RYR2: variants seen among roughly 807,000 people sequenced by gnomAD.
RYR2 encodes ryanodine receptor 2.
In RYR2, 227 loss-of-function variants were observed where a neutral mutation model predicts 601.1. The ratio of observed to expected loss-of-function variants is 0.38; its 90% CI spans 0.34 to 0.42. The LOEUF is 0.42. Among genes scored for constraint, RYR2 ranks in the 10% least tolerant of loss-of-function variants. The pLI is 1.00. For synonymous variants in RYR2, 2,223 were observed against 2,175.1 expected (o/e 1.02, Z -0.61); for missense variants, 4,646 against 6,156.5 (o/e 0.75, Z 8.21).
chr1:237,542,593 C>G (rs1349698892), intron 25 of RYR2, among the ~76,000 whole-genome samples: 3 of 152,096 alleles, frequency 2.0e-5, no homozygotes, highest in African/African-American at 7.2e-5. Context: ...GTGTTCTGCA[C>G]TGATTTGATA....
intron 27 of RYR2, among the ~76,000 whole-genome samples, chr1:237,554,630 G>T (rs1476748215): frequency 6.6e-6 from 1 of 151,836 alleles, no homozygotes; most frequent in Non-Finnish European, 1.5e-5. Context: ...CTATAGGAAA[G>T]GTATTTTGTT....
intron 14 of RYR2, among the ~76,000 whole-genome samples, chr1:237,453,911 G>C (rs755083205): frequency 1.3e-5 from 2 of 152,112 alleles, no homozygotes; most frequent in Non-Finnish European, 2.9e-5. Flanking sequence ...TTCATAAGCA[G>C]ATTTTCTAAA....
rs150678382 is a variant in RYR2, at chr1:237,231,361, A to G, written c.49-39136A>G. The stretch of plus-strand genomic sequence containing the variant: ...TTCTGAATAGAGATAGAGTCTTGCC[A>G]TGTTGCCCAGACTGGTCTTGAATTC... On this transcript the variant is annotated intron_variant, in intron 1 of 104. Coordinates refer to ENST00000366574, the MANE Select transcript of RYR2 (RefSeq NM_001035.3). Among the ~76,000 whole-genome samples, 912 of 143,296 alleles carry G rather than the reference A, an allele frequency of 6.4e-3. 9 individuals are homozygous for G. Among genetic ancestry groups the G allele is most frequent in the African/African-American group, 0.023 (870 of 38,244 alleles). 94.0% of individuals were successfully genotyped at this position (143,296 alleles called of 152,430 possible). A position where few individuals can be genotyped will look rare whatever the true frequency, so the allele number is the denominator to read the frequency against.
At chr1:237,597,469 A>G (rs1456350874) in intron 34 of RYR2, among the ~76,000 whole-genome samples, 1 of 151,636 alleles carries the variant, frequency 6.6e-6, no homozygotes, top group Admixed American at 6.6e-5. Context: ...TTTAATAGAG[A>G]TGGGGTTTCA....
intron 68 of RYR2, 124 bp from the exon 69 acceptor site, chr1:237,708,734 T>C (rs1688582375): frequency 3.7e-6 from 3 of 815,038 alleles, no homozygotes; most frequent in Non-Finnish European, 5.8e-6. Context: ...GCATGAGCTG[T>C]ACCCTTAAGG....
intron 101 of RYR2, among the ~76,000 whole-genome samples, chr1:237,826,459 A>C (rs1312134245): frequency 6.6e-6 from 1 of 152,176 alleles, no homozygotes; most frequent in Non-Finnish European, 1.5e-5. Context: ...AGTGGGAGTT[A>C]AACAATGGTA....
intron 80 of RYR2, chr1:237,743,770 GGTC>G (rs1691821219): frequency 2.6e-6 from 1 of 379,082 alleles, no homozygotes; most frequent in African/African-American, 2.1e-5. Context: ...CAATGCATTT[GGTC>G]TCTTCAGGAT....
intron 96 of RYR2, among the ~76,000 whole-genome samples, chr1:237,795,854 A>ATATATG (rs1659094710): frequency 3.2e-5 from 4 of 125,120 alleles, no homozygotes; most frequent in Admixed American, 1.5e-4. Context: ...ATATATGTAT[A>ATATATG]TGTATATATA....
At chr1:237,759,682 AT>A in intron 82 of RYR2, 93 bp from the exon 83 acceptor site, 1 of 793,158 alleles carries the variant, frequency 1.3e-6, no homozygotes, top group Non-Finnish European at 2.3e-6. Context: ...TTTTCTGTCT[AT>A]TCTAGAATGG....
At chr1:237,098,227 T>C (rs1667688178) in intron 1 of RYR2, among the ~76,000 whole-genome samples, 1 of 152,216 alleles carries the variant, frequency 6.6e-6, no homozygotes, top group African/African-American at 2.4e-5. Flanking sequence ...GATTGGTTGA[T>C]TGATTTTAAT....
At chr1:237,623,687 C>A in intron 38 of RYR2, 78 bp from the exon 39 acceptor site, 2 of 894,604 alleles carry the variant, frequency 2.2e-6, no homozygotes, top group Non-Finnish European at 3.6e-6. Flanking sequence ...CCACTCCGCC[C>A]GGCCCTGCTG....
chr1:237,461,109 C>T (rs1204971499), intron 16 of RYR2, among the ~76,000 whole-genome samples: 1 of 152,154 alleles, frequency 6.6e-6, no homozygotes, highest in African/African-American at 2.4e-5. Flanking sequence ...TAGGTGTATA[C>T]TGGTTCTTGT....
At chr1:237,334,673 C>T (rs1397620329) in intron 3 of RYR2, among the ~76,000 whole-genome samples, 3 of 152,110 alleles carry the variant, frequency 2.0e-5, no homozygotes, top group Non-Finnish European at 4.4e-5. Flanking sequence ...TCTTTGGCCC[C>T]GTTTTCTCTG....
chr1:237,487,338 CTT>C (rs1315087167), intron 17 of RYR2, among the ~76,000 whole-genome samples: 2 of 151,864 alleles, frequency 1.3e-5, no homozygotes, highest in African/African-American at 4.8e-5. Flanking sequence ...AAAATGGACT[CTT>C]TGGTGTTTCT....
intron 58 of RYR2, among the ~76,000 whole-genome samples, 174 bp from the exon 59 acceptor site, chr1:237,673,922 T>A (rs1685170318): frequency 6.6e-6 from 1 of 152,198 alleles, no homozygotes; most frequent in East Asian, 1.9e-4. Flanking sequence ...CTGTGAGTAG[T>A]TTTTCTGAAT....
chr1:237,545,685 A>G (rs2779378), intron 25 of RYR2, among the ~76,000 whole-genome samples: 102,515 of 151,788 alleles, frequency 0.68, 35,250 homozygotes, highest in Non-Finnish European at 0.75. Context: ...AAACTTGGAA[A>G]TTAGACTATG....
intron 12 of RYR2, among the ~76,000 whole-genome samples, chr1:237,440,183 A>C (rs557447377): frequency 1.3e-5 from 2 of 152,184 alleles, no homozygotes; most frequent in Admixed American, 1.3e-4. Context: ...TTATTAATAC[A>C]TTATGCAAAT....
At chr1:237,581,606 A>C (rs1673923591) in intron 29 of RYR2, among the ~76,000 whole-genome samples, 1 of 152,204 alleles carries the variant, frequency 6.6e-6, no homozygotes, top group Non-Finnish European at 1.5e-5. Context: ...CCTCAGTTGA[A>C]ATATTGCAGC....
intron 39 of RYR2, among the ~76,000 whole-genome samples, chr1:237,625,196 G>A (rs1014454942): frequency 1.1e-4 from 16 of 151,964 alleles, no homozygotes; most frequent in African/African-American, 3.6e-4. Flanking sequence ...CTGGTTTAGG[G>A]TACCTAATTA....
Sources: allele counts gnomAD v4.1 joint callset (sites outside exome capture counted in the v4.1 genomes callset), GRCh38; gene constraint gnomAD v4.1.1; transcripts MANE v1.5; gene names NCBI Gene and HGNC (gene_info 2026-07-23, HGNC 2026-07-21).